The following DCDC2 variants were observed in gnomAD, a reference collection of about 807,000 sequenced individuals.
The protein encoded by DCDC2 is doublecortin domain containing 2, also known as doublecortin domain-containing protein 2.
Under a neutral mutation model 50.2 loss-of-function variants are expected in DCDC2, and 40 were observed. The ratio of observed to expected loss-of-function variants is 0.80; its 90% CI spans 0.62 to 1.04. The LOEUF (loss-of-function observed/expected upper bound fraction) is 1.04. DCDC2 is among the 50% of genes least tolerant of loss of function. DCDC2 has a pLI of 0.00. For synonymous variants in DCDC2, 234 were observed against 210.6 expected (o/e 1.11, Z -0.96); for missense variants, 570 against 581.9 (o/e 0.98, Z 0.21).
intron 8 of DCDC2, among the ~76,000 whole-genome samples, chr6:24,193,407 C>A (rs1310114367): frequency 6.6e-6 from 1 of 152,088 alleles, no homozygotes; most frequent in Non-Finnish European, 1.5e-5. Context: ...GAACAACTTA[C>A]CAGCTTGAGG....
chr6:24,186,460 A>G (rs1235049668), intron 8 of DCDC2, among the ~76,000 whole-genome samples: 1 of 152,172 alleles, frequency 6.6e-6, no homozygotes, highest in African/African-American at 2.4e-5. Context: ...CAGCATCACA[A>G]ACACACATAC....
At position 24,337,967 on chromosome 6, in the gene DCDC2, T is replaced by C. The variant is rs1302945975; in HGVS notation, c.348+15602A>G. Among the ~76,000 whole-genome samples the C allele has an allele frequency of 3.3e-5, 5 of 152,196 alleles. No homozygotes were observed. In the East Asian group the frequency reaches 9.6e-4, roughly 29 times the overall value. On this transcript the variant is annotated intron_variant, in intron 2 of 9. Coordinates refer to ENST00000378454, the MANE Select transcript of DCDC2 (RefSeq NM_016356.5). ...TCACTCCCACAAACATCCTTTCAAGTGCAAAAAGACACTGAATGATCATCT... is the reference window on the plus strand; with the variant it reads ...TCACTCCCACAAACATCCTTTCAAGCGCAAAAAGACACTGAATGATCATCT...
chr6:24,270,467 T>G (rs1197770823), intron 7 of DCDC2, among the ~76,000 whole-genome samples: 1 of 152,114 alleles, frequency 6.6e-6, no homozygotes, highest in African/African-American at 2.4e-5. Context: ...TTGACCTACA[T>G]GCACACACAC....
At chr6:24,361,852 G>C (rs9358763), upstream of DCDC2, among the ~76,000 whole-genome samples, 27 of 152,190 alleles carry the variant, frequency 1.8e-4, no homozygotes, top group Middle Eastern at 3.4e-3. Context: ...TCTCCAACCC[G>C]GATGTGTCTC....
chr6:24,283,118 G>A (rs1000311541), intron 6 of DCDC2, among the ~76,000 whole-genome samples: 9 of 152,018 alleles, frequency 5.9e-5, no homozygotes, highest in Non-Finnish European at 1.3e-4. Flanking sequence ...TAATTTTTTC[G>A]TCTTTTCCGA....
rs143452599 is a variant in DCDC2, at chr6:24,178,453, A to T, written c.1203T>A (p.Pro401=). Residue 401 remains proline (P), a synonymous_variant, in exon 9 of 10, where the codon CCT becomes CCA. Coordinates refer to ENST00000378454, the MANE Select transcript of DCDC2 (RefSeq NM_016356.5). ...ILDHSEQQAR[P]ARVNGGTDEE... is the part of the protein sequence containing the mutation. Reference sequence around the variant, plus strand: ...CATCGGTGCCTCCATTTACACGAGCAGGGCGTGCCTGCTGCTCACTGTGAT... The same window carrying T: ...CATCGGTGCCTCCATTTACACGAGCTGGGCGTGCCTGCTGCTCACTGTGAT... The T allele has an allele frequency of 2.1e-5, 34 of 1,614,062 alleles. No individual in the cohort carries two copies. The Admixed American group carries it at 5.5e-4, about 26-fold the overall frequency.
intron 8 of DCDC2, among the ~76,000 whole-genome samples, chr6:24,189,417 C>T (rs1358665932): frequency 1.3e-5 from 2 of 152,136 alleles, no homozygotes; most frequent in Non-Finnish European, 2.9e-5. Context: ...GAAGGTATTT[C>T]CACAGGCAGA....
chr6:24,229,926 G>A (rs1033739655), intron 7 of DCDC2, among the ~76,000 whole-genome samples: 4 of 152,004 alleles, frequency 2.6e-5, no homozygotes, highest in African/African-American at 9.7e-5. Context: ...GAGACCCATG[G>A]TTTGGCCACT....
At chr6:24,287,573 T>A (rs1284211666) in intron 6 of DCDC2, among the ~76,000 whole-genome samples, 10 of 152,238 alleles carry the variant, frequency 6.6e-5, no homozygotes, top group Non-Finnish European at 1.0e-4. Flanking sequence ...TGTAAAGAGC[T>A]TGGCATAGTG....
chr6:24,239,002 T>C (rs1762510387), intron 7 of DCDC2, among the ~76,000 whole-genome samples: 1 of 152,212 alleles, frequency 6.6e-6, no homozygotes, highest in Admixed American at 6.5e-5. Context: ...ATGCGTAATC[T>C]AACGATATTG....
At chr6:24,184,369 C>A (rs1246404410) in intron 8 of DCDC2, among the ~76,000 whole-genome samples, 1 of 151,830 alleles carries the variant, frequency 6.6e-6, no homozygotes, top group Non-Finnish European at 1.5e-5. Context: ...CTCGGGAGTT[C>A]AAGACCACCC....
chr6:24,222,171 T>C (rs1430558003), intron 7 of DCDC2, among the ~76,000 whole-genome samples: 1 of 152,098 alleles, frequency 6.6e-6, no homozygotes, highest in Non-Finnish European at 1.5e-5. Flanking sequence ...AATTAAACTT[T>C]GGAGGAACAA....
intron 8 of DCDC2, among the ~76,000 whole-genome samples, chr6:24,180,363 C>A (rs1018082711): frequency 6.6e-6 from 1 of 152,194 alleles, no homozygotes; most frequent in Non-Finnish European, 1.5e-5. Context: ...CTGCTCACTG[C>A]AAGCCCCGCT....
chr6:24,254,748 C>CA lies in DCDC2; in HGVS notation c.922+23300dup, dbSNP rs199700903. Among the ~76,000 whole-genome samples, 445 of 151,834 alleles carry CA rather than the reference C, an allele frequency of 2.9e-3. 1 individual carries two copies. Among genetic ancestry groups the CA allele is most frequent in the Admixed American group, 6.8e-3 (103 of 15,254 alleles). ...CTAAATGGCTACATCAGTCAGATAT[C>CA]AAAAAAATAAAATATCACAGCCAAT... On this transcript the variant is annotated intron_variant, in intron 7 of 9. Transcript: ENST00000378454.
Position 24,339,961 on chromosome 6 carries a change from A to T in DCDC2, c.348+13608T>A, listed in dbSNP as rs1006794870. On this transcript the variant is annotated intron_variant, in intron 2 of 9. Coordinates refer to ENST00000378454, the MANE Select transcript of DCDC2 (RefSeq NM_016356.5). ...AATTATCATTTGAATATGATTATAC[A>T]TAAGGAAATGAATTGGTGAAGCGGT... is the stretch of plus-strand genomic sequence containing the variant. Among the ~76,000 whole-genome samples, 3 of 152,240 alleles carry T rather than the reference A, an allele frequency of 2.0e-5. No homozygotes were observed. In the South Asian group the frequency reaches 6.2e-4, roughly 32 times the overall value.
At chr6:24,263,310 T>C (rs186704853) in intron 7 of DCDC2, among the ~76,000 whole-genome samples, 19 of 151,910 alleles carry the variant, frequency 1.3e-4, no homozygotes, top group Non-Finnish European at 2.1e-4. Context: ...ACAACAAATA[T>C]CTAACCGTTC....
chr6:24,321,295 A>G (rs1759770360), intron 2 of DCDC2, among the ~76,000 whole-genome samples: 1 of 152,220 alleles, frequency 6.6e-6, no homozygotes, highest in Admixed American at 6.5e-5. Flanking sequence ...GGGTGAAACT[A>G]TGAATATTAA....
intron 7 of DCDC2, among the ~76,000 whole-genome samples, chr6:24,227,519 T>TCAAAA (rs1762255225): frequency 6.6e-6 from 1 of 152,204 alleles, no homozygotes; most frequent in Non-Finnish European, 1.5e-5. Context: ...AGTTACACTG[T>TCAAAA]GGAGCACCCT....
the DCDC2 span, among the ~76,000 whole-genome samples, chr6:24,367,970 A>C: frequency 6.6e-6 from 1 of 152,180 alleles, no homozygotes; most frequent in Non-Finnish European, 1.5e-5. Context: ...TTTTTTAAAA[A>C]ATTGTGAAGC....
Sources: allele counts gnomAD v4.1 joint callset (sites outside exome capture counted in the v4.1 genomes callset), GRCh38; gene constraint gnomAD v4.1.1; transcripts MANE v1.5; gene names NCBI Gene and HGNC (gene_info 2026-07-23, HGNC 2026-07-21).